The following PLIN1 variants were observed in gnomAD, a reference collection of about 807,000 sequenced individuals.
The protein encoded by PLIN1 is perilipin 1, also known as perilipin-1.
Under a neutral mutation model 45.8 loss-of-function variants are expected in PLIN1, and 37 were observed. The ratio of observed to expected loss-of-function variants is 0.81; its 90% CI spans 0.62 to 1.06. The LOEUF (loss-of-function observed/expected upper bound fraction) is 1.06. PLIN1 is among the 50% of genes least tolerant of loss of function. PLIN1 has a pLI of 0.00. For synonymous variants in PLIN1, 340 were observed against 309.2 expected (o/e 1.10, Z -1.05); for missense variants, 776 against 716.5 (o/e 1.08, Z -0.95).
intron 3 of PLIN1, among the ~76,000 whole-genome samples, chr15:89,671,887 G>A (rs1197405235): frequency 6.6e-6 from 1 of 152,262 alleles, no homozygotes; most frequent in Non-Finnish European, 1.5e-5. Context: ...CTTGTAAAAG[G>A]TGAATTAATG....
chr15:89,667,665 G>T lies in PLIN1; in HGVS notation c.900C>A (p.Asp300Glu), dbSNP rs1287441535. 6.2e-7 allele frequency: 1 copy of T among 1,606,300 alleles called. No homozygotes were observed. Among genetic ancestry groups the T allele is most frequent in the Non-Finnish European group, 8.5e-7 (1 of 1,176,116 alleles). The change falls in exon 7 of 9, where the codon GAC (aspartate) becomes GAA (glutamate). Residue 300 changes from aspartate to glutamate, a missense_variant. Physicochemically the swap from Asp to Glu is conservative, Grantham distance 45. Transcript: ENST00000300055. Reference sequence around the variant, plus strand: ...CCTCCTCCGTGTCCTCTCCCTCCGTGTCTGTCTGGTCCTCATGATCCTCCT... The same window carrying T: ...CCTCCTCCGTGTCCTCTCCCTCCGTTTCTGTCTGGTCCTCATGATCCTCCT... ...AQEEDHEDQT[D>E]TEGEDTEEEE...
chr15:89,667,721 G>T lies in PLIN1; in HGVS notation c.844C>A (p.Pro282Thr), dbSNP rs1443889065. The T allele has an allele frequency of 3.2e-6, 5 of 1,577,710 alleles. No homozygotes were observed. The Admixed American group carries it at 9.4e-5, about 30-fold the overall frequency. Residue 282 changes from proline (P) to threonine (T), a missense_variant, in exon 7 of 9, where the codon CCC becomes ACC. Coordinates refer to ENST00000300055, the MANE Select transcript of PLIN1 (RefSeq NM_002666.5). ...VSRRRSEVRV[P>T]WLHSLAAAQE... ...GCGGCTGCGAGGCTGTGCAGCCAGG[G>T]TACCCGCACTTCGCTCCTCCGCCGG...
At chr15:89,677,213 C>CT in intron 2 of PLIN1, 1 of 586,160 alleles carries the variant, frequency 1.7e-6, no homozygotes, top group Non-Finnish European at 3.1e-6. Flanking sequence ...ATTTCTGTCC[C>CT]TTTTTTTCAA....
At chr15:89,668,103 G>A (rs1964382855) in intron 6 of PLIN1, among the ~76,000 whole-genome samples, 1 of 152,196 alleles carries the variant, frequency 6.6e-6, no homozygotes, top group Non-Finnish European at 1.5e-5. Flanking sequence ...CCCCAAGAGT[G>A]ACCACAGTCC....
chr15:89,670,188 G>A lies in PLIN1; in HGVS notation c.390C>T (p.Ser130=), dbSNP rs770166949. The A allele has an allele frequency of 6.2e-6, 10 of 1,613,936 alleles. No individual in the cohort carries two copies. The African/African-American group carries it at 9.3e-5, about 15-fold the overall frequency. ...ISTRLRSARN[S]ISVPIASTSD... ...AAGTGCTCGCGATGGGAACGCTGAT[G>A]CTGTTTCTGGCACTGCGGAGGCGGG... The change falls in exon 5 of 9, where the codon AGC becomes AGT. Residue 130 remains serine, a synonymous_variant. Coordinates refer to ENST00000300055, the MANE Select transcript of PLIN1 (RefSeq NM_002666.5).
intron 1 of PLIN1, chr15:89,678,028 G>C (rs112552171): frequency 0.012 from 1,865 of 152,974 alleles, 33 homozygotes; most frequent in African/African-American, 0.043. Flanking sequence ...CAAAGTGCTG[G>C]GATTACAGGC....
chr15:89,665,625 G>T lies in PLIN1; in HGVS notation c.1527C>A (p.Ile509=), dbSNP rs763944436. The T allele has an allele frequency of 2.0e-6, 3 of 1,518,050 alleles. No homozygotes were observed. The highest frequency in any genetic ancestry group is 2.6e-6 in the Non-Finnish European group (3 of 1,135,026). The allele number at this position is 1,518,050 out of a possible 1,614,324, so 94.0% of individuals were successfully genotyped here. The change falls in exon 9 of 9, where the codon ATC becomes ATA. Residue 509 remains isoleucine (I), a synonymous_variant. Coordinates refer to ENST00000300055, the MANE Select transcript of PLIN1 (RefSeq NM_002666.5). ...GCTGGCTGTAATGCGTGCGGCCCAG[G>T]ATGGGCTCCATGACGCTGGGCCGGA... ...SFFRPSVMEP[I]LGRTHYSQLR...
intron 8 of PLIN1, 31 bp downstream of exon 8, chr15:89,666,905 A>G (rs765854290): frequency 1.2e-6 from 2 of 1,612,994 alleles, no homozygotes; most frequent in Non-Finnish European, 1.7e-6. Flanking sequence ...CCCCCTTGGG[A>G]CACTAACAGT....
chr15:89,669,278 A>G (rs1164781968), intron 6 of PLIN1, among the ~76,000 whole-genome samples: 4 of 152,176 alleles, frequency 2.6e-5, no homozygotes, highest in Non-Finnish European at 5.9e-5. Context: ...CTAGCAAGGC[A>G]GGCCTGCCCT....
intron 2 of PLIN1, among the ~76,000 whole-genome samples, chr15:89,675,626 A>G (rs1964504914): frequency 6.6e-6 from 1 of 152,042 alleles, no homozygotes; most frequent in Non-Finnish European, 1.5e-5. Flanking sequence ...AATAAATAAA[A>G]TTAAAAGAAC....
intron 2 of PLIN1, among the ~76,000 whole-genome samples, chr15:89,674,762 T>C (rs1309793562): frequency 1.3e-5 from 2 of 152,158 alleles, no homozygotes; most frequent in East Asian, 1.9e-4. Flanking sequence ...GCCGCCATCA[T>C]GTTAAATGGC....
chr15:89,676,168 A>G (rs148382974), intron 2 of PLIN1, among the ~76,000 whole-genome samples: 34 of 152,312 alleles, frequency 2.2e-4, no homozygotes, highest in African/African-American at 7.5e-4. Flanking sequence ...AGTAGGAGGC[A>G]GAGTTCAAAG....
In PLIN1 at chr15:89,677,151, G is replaced by T. The variant is rs73485551; in HGVS notation, c.45+294C>A. The T allele has an allele frequency of 6.8e-3, 3,311 of 487,196 alleles. 81 individuals are homozygous for T. Among genetic ancestry groups the T allele is most frequent in the African/African-American group, 0.06 (3,072 of 51,204 alleles). The allele number at this position is 487,196 out of a possible 1,614,324, so 30.2% of individuals were successfully genotyped here. A position where few individuals can be genotyped will look rare whatever the true frequency, so the allele number is the denominator to read the frequency against. On this transcript the variant is annotated intron_variant, in intron 2 of 8. Coordinates refer to ENST00000300055, the MANE Select transcript of PLIN1 (RefSeq NM_002666.5). ...GGACAGAGCATGGGCTTCTGCGTCA[G>T]GGTTTAAACAGTAGTTTCCTTCCTC...
chr15:89,665,618 G>C lies in PLIN1; in HGVS notation c.1534C>G (p.Arg512Gly). 6.6e-7 allele frequency: 1 copy of C among 1,519,100 alleles called. No homozygotes were observed. The allele number at this position is 1,519,100 out of a possible 1,614,324, so 94.1% of individuals were successfully genotyped here. The change falls in exon 9 of 9, where the codon CGC becomes GGC. Residue 512 changes from arginine to glycine, a missense_variant. By Grantham distance (125) the Arg-to-Gly change is moderately radical. Transcript: ENST00000300055. ...TTGCGCAGCTGGCTGTAATGCGTGC[G>C]GCCCAGGATGGGCTCCATGACGCTG... ...RPSVMEPILGRTHYSQLRKKS is the reference protein window; with the variant it reads ...RPSVMEPILGGTHYSQLRKKS
chr15:89,669,832 T>TG (rs367769631), intron 5 of PLIN1, 148 bp downstream of exon 5: 2,599 of 165,814 alleles, frequency 0.016, 19 homozygotes, highest in African/African-American at 0.15. Context: ...GGGGTGGGGG[T>TG]GGGGGGGGTA....
rs1964310135 is a variant in PLIN1 at position 89,665,088 on chromosome 15, G to C, written c.*495C>G. ...AGCCTGCTGGGAGCCTAGATCATCA[G>C]AGGATGTTCATCAGAGGGGGAACAG... On this transcript the variant is annotated 3_prime_UTR_variant, in exon 9 of 9. Transcript: ENST00000300055. The C allele has an allele frequency of 2.7e-6, 1 of 371,110 alleles. No homozygotes were observed. Among genetic ancestry groups the C allele is most frequent in the African/African-American group, 2.1e-5 (1 of 47,278 alleles). 23.0% of individuals were successfully genotyped at this position (371,110 alleles called of 1,614,324 possible).
In PLIN1 at chr15:89,673,347, T is replaced by G. The variant is rs1194478652; in HGVS notation, c.113A>C (p.Gln38Pro). ...TTCCTTAGTGCTGGTGTAGGTCTTC[T>G]GGAAGCATTCGCAGGTGCCACTCAC... ...PVVSGTCECF[Q>P]KTYTSTKEAH... Residue 38 changes from glutamine to proline, a missense_variant, in exon 3 of 9, where the codon CAG (glutamine) becomes CCG (proline). By Grantham distance (76) the Gln-to-Pro change is moderately conservative (BLOSUM62 -1). Coordinates refer to ENST00000300055, the MANE Select transcript of PLIN1 (RefSeq NM_002666.5). 1 of 1,601,706 alleles carries G rather than the reference T, an allele frequency of 6.2e-7. No individual in the cohort carries two copies. The highest frequency in any genetic ancestry group is 1.7e-5 in the Admixed American group (1 of 58,480).
rs1202591489 is a variant in PLIN1 at position 89,665,819 on chromosome 15, G to C, written c.1333C>G (p.Pro445Ala). 7.2e-7 allele frequency: 1 copy of C among 1,395,900 alleles called. No individual in the cohort carries two copies. The allele number at this position is 1,395,900 out of a possible 1,614,324, so 86.5% of individuals were successfully genotyped here. The change falls in exon 9 of 9, where the codon CCC becomes GCC. Residue 445 changes from proline to alanine, a missense_variant. Physicochemically the swap from Pro to Ala is conservative, Grantham distance 27 (BLOSUM62 -1). Transcript: ENST00000300055. ...CGGGGCTGTGCGAGACGCGGGGCGG[G>C]CTCCGGGCCGGCGGACGGCGCCCCA... ...ASGAPSAGPE[P>A]APRLAQPRRS... is the part of the protein sequence containing the mutation.
At chr15:89,679,098 T>C (rs373002444) in intron 1 of PLIN1, among the ~76,000 whole-genome samples, 153 bp downstream of exon 1, 8 of 152,152 alleles carry the variant, frequency 5.3e-5, no homozygotes, top group African/African-American at 1.7e-4. Context: ...TCCACCTGCC[T>C]TGGCCACCTG....
Sources: allele counts gnomAD v4.1 joint callset (sites outside exome capture counted in the v4.1 genomes callset), GRCh38; gene constraint gnomAD v4.1.1; transcripts MANE v1.5; gene names NCBI Gene and HGNC (gene_info 2026-07-23, HGNC 2026-07-21).